GPHN: variants seen among roughly 807,000 people sequenced by gnomAD.
The protein encoded by GPHN is gephyrin.
Under a neutral mutation model 95.5 loss-of-function variants are expected in GPHN, and 17 were observed. That is an observed-to-expected ratio of 0.18 (90% CI 0.12 to 0.27). The LOEUF is 0.27. Ranked by LOEUF, GPHN falls within the 10% of genes least tolerant of loss-of-function variation. The pLI, the probability that GPHN is intolerant of heterozygous loss-of-function variation, is 1.00. For missense variants in GPHN, 660 were observed against 978.1 expected (o/e 0.67, Z 4.34); for synonymous variants, 320 against 322.5 (o/e 0.99, Z 0.08).
the GPHN span, among the ~76,000 whole-genome samples, chr14:67,498,198 T>C: frequency 6.6e-6 from 1 of 152,150 alleles, no homozygotes; most frequent in African/African-American, 2.4e-5. Flanking sequence ...CTCATAATCT[T>C]TTATTACCCA....
chr14:66,899,518 T>A (rs1206541256), intron 5 of GPHN, among the ~76,000 whole-genome samples: 3 of 151,994 alleles, frequency 2.0e-5, no homozygotes, highest in African/African-American at 4.8e-5. Flanking sequence ...TTAATTGATA[T>A]GATTGCATGA....
In GPHN at chr14:66,596,171, C is replaced by G. The variant is rs1844129153; in HGVS notation, c.65-84936C>G. On this transcript the variant is annotated intron_variant, in intron 1 of 22. Transcript: ENST00000478722. ...TGCTGGCAGATTGTCCTGTCATCTG[C>G]TTGAGTTTGGCTGAGTCCAGGGTTT... is the stretch of plus-strand genomic sequence containing the variant. Among the ~76,000 whole-genome samples, 5 of 152,066 alleles carry G rather than the reference C, an allele frequency of 3.3e-5. 1 individual carries two copies. In the South Asian group the frequency reaches 1.0e-3, roughly 32 times the overall value.
chr14:67,569,950 G>A, the GPHN span: 3 of 1,610,078 alleles, frequency 1.9e-6, no homozygotes, highest in Non-Finnish European at 2.5e-6. Context: ...TGTTTCCCCT[G>A]GGTCTTTCTC....
chr14:67,043,847 C>G (rs1400624455), intron 10 of GPHN, among the ~76,000 whole-genome samples: 1 of 152,200 alleles, frequency 6.6e-6, no homozygotes, highest in African/African-American at 2.4e-5. Context: ...ATTAATCCAT[C>G]TGGTCCTGGA....
At chr14:67,385,399 C>T in the GPHN span, 1 of 148,418 alleles carries the variant, frequency 6.7e-6, no homozygotes, top group Non-Finnish European at 1.5e-5. Context: ...GTGATCACTC[C>T]AGTGCACTCG....
At chr14:67,661,087 C>T in the GPHN span, among the ~76,000 whole-genome samples, 3 of 152,004 alleles carry the variant, frequency 2.0e-5, no homozygotes, top group African/African-American at 7.2e-5. Context: ...TGATCTTCAA[C>T]AAGCAAGAAG....
chr14:67,568,722 C>T, the GPHN span, among the ~76,000 whole-genome samples: 35,207 of 151,938 alleles, frequency 0.23, 4,405 homozygotes, highest in East Asian at 0.45. Context: ...TTCCTCATTA[C>T]CAATATCCCC....
chr14:67,281,780 A>G, the GPHN span, among the ~76,000 whole-genome samples: 2 of 151,888 alleles, frequency 1.3e-5, no homozygotes, highest in East Asian at 3.9e-4. Context: ...GTTTTGCCTA[A>G]GCACACAAAA....
intron 4 of GPHN, among the ~76,000 whole-genome samples, chr14:66,864,701 G>A (rs996719831): frequency 6.6e-6 from 1 of 152,044 alleles, no homozygotes; most frequent in Admixed American, 6.6e-5. Context: ...GAAACCCAGC[G>A]GGTGGAGATT....
At chr14:67,726,016 G>T in the GPHN span, 2 of 1,468,090 alleles carry the variant, frequency 1.4e-6, no homozygotes, top group South Asian at 1.1e-5. Context: ...GGGACTCCTT[G>T]CTAACCATAG....
intron 16 of GPHN, among the ~76,000 whole-genome samples, chr14:67,115,445 G>A (rs2078626428): frequency 1.3e-5 from 2 of 152,068 alleles, no homozygotes; most frequent in Non-Finnish European, 2.9e-5. Context: ...GATACATATG[G>A]TTTCAGGCCG....
the GPHN span, among the ~76,000 whole-genome samples, chr14:67,313,429 C>T: frequency 3.9e-5 from 6 of 152,122 alleles, no homozygotes; most frequent in Non-Finnish European, 8.8e-5. Context: ...CCTATTCCTC[C>T]AACCACCATC....
chr14:67,644,390 C>A, the GPHN span, among the ~76,000 whole-genome samples: 1 of 152,202 alleles, frequency 6.6e-6, no homozygotes, highest in Non-Finnish European at 1.5e-5. Context: ...TCACACAGCT[C>A]TTCCAGGACT....
the GPHN span, chr14:67,616,714 C>T: frequency 6.7e-6 from 1 of 150,244 alleles, no homozygotes; most frequent in Non-Finnish European, 1.5e-5. Context: ...TTTGCATATA[C>T]ATATGAGATA....
intron 1 of GPHN, among the ~76,000 whole-genome samples, chr14:66,573,362 T>C (rs2060773703): frequency 6.6e-6 from 1 of 152,244 alleles, no homozygotes; most frequent in South Asian, 2.1e-4. Context: ...TTTGTTTACA[T>C]ATTTAGGTGG....
At chr14:67,389,775 CTTT>C in the GPHN span, among the ~76,000 whole-genome samples, 2 of 137,352 alleles carry the variant, frequency 1.5e-5, no homozygotes, top group African/African-American at 5.2e-5. Context: ...TGTTTTTTTT[CTTT>C]TTTTTTTTTT....
At chr14:67,473,935 G>A in the GPHN span, 1 of 1,591,792 alleles carries the variant, frequency 6.3e-7, no homozygotes, top group South Asian at 1.1e-5. The surrounding 1 kb of genome is among the most constrained non-coding windows in gnomAD (Gnocchi z 6.5). Flanking sequence ...GCGCCGACTG[G>A]GGCTGGCTGC....
intron 18 of GPHN, among the ~76,000 whole-genome samples, chr14:67,158,398 A>T (rs550509759): frequency 4.6e-5 from 7 of 151,980 alleles, no homozygotes; most frequent in South Asian, 4.2e-4. Flanking sequence ...ATCTCAGAGG[A>T]TCTCTGTTAC....
chr14:66,595,740 G>C (rs2061946143), intron 1 of GPHN, among the ~76,000 whole-genome samples: 1 of 152,178 alleles, frequency 6.6e-6, no homozygotes. Context: ...CACAGCTCTG[G>C]CTTGGGGAGC....
Sources: allele counts gnomAD v4.1 joint callset (sites outside exome capture counted in the v4.1 genomes callset), GRCh38; gene constraint gnomAD v4.1.1; non-coding constraint Gnocchi (gnomAD v3.1); transcripts MANE v1.5; gene names NCBI Gene and HGNC (gene_info 2026-07-23, HGNC 2026-07-21).